The following ARID3C variants were observed in gnomAD, a reference collection of about 807,000 sequenced individuals.
ARID3C encodes the protein AT-rich interaction domain 3C.
A neutral mutation model predicts 37.9 loss-of-function variants in ARID3C; 42 were observed. The ratio of observed to expected loss-of-function variants is 1.11; its 90% confidence interval spans 0.87 to 1.43. ARID3C has a LOEUF of 1.43. Ranked by LOEUF, ARID3C falls within the 40% of genes most tolerant of loss-of-function variation. The pLI is 0.00. For synonymous variants in ARID3C, 213 were observed against 228.0 expected, an observed-to-expected ratio of 0.93 and a Z score of 0.59; for missense variants, 581 against 548.8, an observed-to-expected ratio of 1.06 and a Z score of -0.59.
At chr9:34,621,618 GA>G (rs1251557449) in intron 6 of ARID3C, 60 bp from the exon 8 acceptor site, 28 of 1,238,978 alleles carry the variant, frequency 2.3e-5, no homozygotes, top group Non-Finnish European at 3.1e-5. Flanking sequence ...GTAGGGTATG[GA>G]AACAGAAGAG....
chr9:34,628,521 A>C (rs1252245447), upstream of ARID3C, among the ~76,000 whole-genome samples: 1 of 152,034 alleles, frequency 6.6e-6, no homozygotes, highest in Non-Finnish European at 1.5e-5. The surrounding 1 kb of genome is among the most constrained non-coding windows in gnomAD (Gnocchi z 5.2). Flanking sequence ...AGATGGAGAG[A>C]GATAGAATAT....
At chr9:34,622,922 C>T (rs1396942311) in intron 4 of ARID3C, among the ~76,000 whole-genome samples, 2 of 151,982 alleles carry the variant, frequency 1.3e-5, no homozygotes, top group Admixed American at 1.3e-4. Flanking sequence ...CGGAGGAGGG[C>T]GGATCACGTG....
chr9:34,627,777 C>A (rs934875477), exon 1 of ARID3C: 4 of 1,614,006 alleles, frequency 2.5e-6, no homozygotes, highest in Non-Finnish European at 3.4e-6. Flanking sequence ...GGGCCCTGGG[C>A]CCCTGGACGG....
intron 5 of ARID3C, 51 bp downstream of exon 6, chr9:34,622,296 C>G (rs1317612637): frequency 6.4e-7 from 1 of 1,572,554 alleles, no homozygotes; most frequent in East Asian, 2.2e-5. Context: ...ATGGGTCAAT[C>G]CTCCCTCAGT....
At chr9:34,624,720 C>T (rs761450490) in intron 2 of ARID3C, among the ~76,000 whole-genome samples, 2 of 152,258 alleles carry the variant, frequency 1.3e-5, no homozygotes, top group Non-Finnish European at 2.9e-5. Flanking sequence ...TTACCGATCC[C>T]GTCCCCTTCC....
upstream of ARID3C, among the ~76,000 whole-genome samples, chr9:34,628,691 G>A (rs955739150): frequency 3.3e-5 from 5 of 152,150 alleles, no homozygotes; most frequent in Non-Finnish European, 7.3e-5. This position sits in a 1 kb window ranked among gnomAD's most constrained non-coding sequence, Gnocchi z 5.2. Flanking sequence ...AGCAGGAAAC[G>A]GACAGAAGAG....
chr9:34,625,052 G>A (rs1564091443), intron 2 of ARID3C, among the ~76,000 whole-genome samples: 3 of 149,096 alleles, frequency 2.0e-5, no homozygotes, highest in Admixed American at 2.0e-4. Flanking sequence ...GCCAGCAGCT[G>A]CACTAAAGGC....
At position 34,625,629 on chromosome 9, in the gene ARID3C, C is replaced by G. The variant is rs182916363; in HGVS notation, c.391+113G>C. On this transcript the variant is annotated intron_variant, in intron 2 of 6. Transcript: ENST00000378909. ...AGAGGTTAAAGACGCTATCGAGGGC[C>G]CAAAGGACAGGTGCTGCCAAGCTCA... is the stretch of plus-strand genomic sequence containing the variant. 3.0e-5 allele frequency: 35 copies of G among 1,160,308 alleles called. No homozygotes were observed. The African/African-American group carries it at 5.2e-4, about 17-fold the overall frequency. 71.9% of individuals were successfully genotyped at this position (1,160,308 alleles called of 1,614,324 possible).
chr9:34,621,554 G>A, exon 7 of ARID3C: 2 of 1,575,514 alleles, frequency 1.3e-6, no homozygotes, highest in Non-Finnish European at 8.6e-7. Context: ...GGGCAAAGAG[G>A]ACACCTGGCA....
At chr9:34,623,688 T>C in exon 4 of ARID3C, 2 of 1,571,018 alleles carry the variant, frequency 1.3e-6, no homozygotes, top group East Asian at 2.3e-5. Context: ...AGTCTCGCAC[T>C]CGTACGGGTA....
intron 3 of ARID3C, 57 bp from the exon 5 acceptor site, chr9:34,623,771 C>T (rs1820614457): frequency 2.0e-6 from 3 of 1,500,684 alleles, no homozygotes; most frequent in Non-Finnish European, 2.7e-6. Flanking sequence ...CTGGTCAAGT[C>T]CCACAGCCGG....
At chr9:34,623,172 GA>G (rs1352451568) in intron 4 of ARID3C, among the ~76,000 whole-genome samples, 118 of 146,172 alleles carry the variant, frequency 8.1e-4, no homozygotes, top group African/African-American at 2.8e-3. Flanking sequence ...AAGAAAAAAA[GA>G]AAAAAAAGGA....
chr9:34,625,828 G>A lies in ARID3C; in HGVS notation c.319-14C>T. On this transcript the variant is annotated splice_polypyrimidine_tract_variant and intron_variant, in intron 1 of 6. Coordinates refer to ENST00000378909, the Ensembl canonical transcript of ARID3C. ...GAGCTCATACAGCTGGGGAAGGATT[G>A]GGGTCATTCTACAGCTCTGCTGACT... 1.2e-6 allele frequency: 2 copies of A among 1,613,762 alleles called. No homozygotes were observed. Among genetic ancestry groups the A allele is most frequent in the Non-Finnish European group, 1.7e-6 (2 of 1,179,746 alleles).
At chr9:34,623,795 G>GCCCCCCC in intron 3 of ARID3C, 69 bp downstream of exon 4, 1 of 1,504,678 alleles carries the variant, frequency 6.6e-7, no homozygotes, top group Non-Finnish European at 8.9e-7. Flanking sequence ...CCCGCCCGGG[G>GCCCCCCC]ACCCTCCCCC....
chr9:34,628,898 G>T (rs997440161), upstream of ARID3C, among the ~76,000 whole-genome samples: 2 of 152,094 alleles, frequency 1.3e-5, no homozygotes, highest in East Asian at 3.9e-4. This position sits in a 1 kb window ranked among gnomAD's most constrained non-coding sequence, Gnocchi z 5.2. Flanking sequence ...CGCTCCGGGC[G>T]CCCCGCGGCC....
At chr9:34,629,490 GC>G (rs1268601885), upstream of ARID3C, among the ~76,000 whole-genome samples, 3 of 152,244 alleles carry the variant, frequency 2.0e-5, no homozygotes, top group Admixed American at 2.0e-4. Flanking sequence ...GCTGGGGTGT[GC>G]GTGGAGGGTC....
At chr9:34,632,598 AG>A (rs1157791317), upstream of ARID3C, among the ~76,000 whole-genome samples, 1 of 152,198 alleles carries the variant, frequency 6.6e-6, no homozygotes, top group Non-Finnish European at 1.5e-5. Flanking sequence ...GTCTTAGACC[AG>A]GGTGGGGGCA....
exon 7 of ARID3C, chr9:34,621,489 G>A: frequency 6.5e-7 from 1 of 1,536,058 alleles, no homozygotes; most frequent in Non-Finnish European, 8.7e-7. Context: ...GGGCCCTGTG[G>A]AGGGTGGGGG....
At chr9:34,631,908 C>T (rs1046453803), upstream of ARID3C, among the ~76,000 whole-genome samples, 1 of 152,162 alleles carries the variant, frequency 6.6e-6, no homozygotes, top group Non-Finnish European at 1.5e-5. Flanking sequence ...CTGTTCCCCC[C>T]GCAATATGGG....
Sources: allele counts gnomAD v4.1 joint callset (sites outside exome capture counted in the v4.1 genomes callset), GRCh38; gene constraint gnomAD v4.1.1; non-coding constraint Gnocchi (gnomAD v3.1); transcripts MANE v1.5; gene names NCBI Gene and HGNC (gene_info 2026-07-23, HGNC 2026-07-21).